Variants in CXCL13 observed in about 807,000 individuals in gnomAD.
CXCL13 encodes C-X-C motif chemokine ligand 13.
In CXCL13, 7 loss-of-function variants were observed where a neutral mutation model predicts 12.2. The observed-to-expected ratio is 0.57, with a 90% CI of 0.33 to 1.07. CXCL13 has a LOEUF of 1.07. Among genes scored for constraint, CXCL13 ranks in the 50% least tolerant of loss-of-function variants. The pLI, the probability that CXCL13 is intolerant of heterozygous loss-of-function variation, is 0.04. For missense variants in CXCL13, 113 were observed against 127.4 expected (o/e 0.89, Z 0.55); for synonymous variants, 47 against 42.4 (o/e 1.11, Z -0.42).
At chr4:77,544,244 T>A (rs1357840863) in intron 1 of CXCL13, among the ~76,000 whole-genome samples, 2 of 152,206 alleles carry the variant, frequency 1.3e-5, no homozygotes, top group African/African-American at 4.8e-5. Context: ...TGGTTTATAA[T>A]CCTTTGGGCA....
At chr4:77,568,293 C>T (rs143932754) in intron 1 of CXCL13, among the ~76,000 whole-genome samples, 28 of 152,286 alleles carry the variant, frequency 1.8e-4, no homozygotes, top group East Asian at 1.4e-3. Context: ...GAAGTGGCCA[C>T]GAGACTTCTA....
chr4:77,543,332 T>G (rs1361114864), intron 1 of CXCL13, among the ~76,000 whole-genome samples: 2 of 152,150 alleles, frequency 1.3e-5, no homozygotes, highest in African/African-American at 2.4e-5. Context: ...CATTGATTCT[T>G]TGTATGGATT....
chr4:77,569,293 G>T (rs7699374), intron 1 of CXCL13, among the ~76,000 whole-genome samples: 1 of 152,010 alleles, frequency 6.6e-6, no homozygotes, highest in Non-Finnish European at 1.5e-5. Context: ...AGAAATAAAG[G>T]GCATCCAAAT....
upstream of CXCL13, among the ~76,000 whole-genome samples, chr4:77,604,384 C>G (rs1726955701): frequency 6.6e-6 from 1 of 152,180 alleles, no homozygotes; most frequent in South Asian, 2.1e-4. Context: ...GAATAACCTT[C>G]TTTTACTCCA....
At chr4:77,556,193 A>G (rs1725652888) in intron 1 of CXCL13, among the ~76,000 whole-genome samples, 1 of 152,180 alleles carries the variant, frequency 6.6e-6, no homozygotes, top group African/African-American at 2.4e-5. Context: ...AAAACTAGAA[A>G]CAACCCAAAT....
At chr4:77,559,092 T>C (rs375471690) in intron 1 of CXCL13, among the ~76,000 whole-genome samples, 1 of 152,192 alleles carries the variant, frequency 6.6e-6, no homozygotes, top group South Asian at 2.1e-4. Context: ...TTTTAACAAC[T>C]AAACAACCAT....
intron 1 of CXCL13, among the ~76,000 whole-genome samples, chr4:77,566,634 GC>G (rs1725929831): frequency 6.6e-6 from 1 of 151,794 alleles, no homozygotes; most frequent in Admixed American, 6.6e-5. Context: ...TCAATTTGTA[GC>G]TTTTGTTTCT....
chr4:77,587,309 CA>C (rs1388239111), intron 1 of CXCL13, among the ~76,000 whole-genome samples: 1 of 152,194 alleles, frequency 6.6e-6, no homozygotes, highest in Non-Finnish European at 1.5e-5. Flanking sequence ...TGCATTCAGT[CA>C]GCAGAGGAGC....
chr4:77,586,966 A>AG (rs1726487582), intron 1 of CXCL13, among the ~76,000 whole-genome samples: 1 of 152,176 alleles, frequency 6.6e-6, no homozygotes, highest in South Asian at 2.1e-4. Flanking sequence ...GGGAAGTTCT[A>AG]GGGGGGACTC....
At chr4:77,516,926 T>C (rs1237817041) in intron 1 of CXCL13, among the ~76,000 whole-genome samples, 1 of 152,236 alleles carries the variant, frequency 6.6e-6, no homozygotes, top group African/African-American at 2.4e-5. Context: ...TCTTTCCTGC[T>C]TTCTCTTGTG....
At chr4:77,512,623 A>T (rs1034221074) in intron 1 of CXCL13, among the ~76,000 whole-genome samples, 9 of 152,106 alleles carry the variant, frequency 5.9e-5, no homozygotes, top group African/African-American at 1.7e-4. Context: ...ATTAGGGCCC[A>T]TCCTGATGAT....
chr4:77,528,790 C>T (rs1271771311), intron 1 of CXCL13, among the ~76,000 whole-genome samples: 1 of 152,158 alleles, frequency 6.6e-6, no homozygotes, highest in African/African-American at 2.4e-5. Context: ...TAATTAGATC[C>T]CATTTGTCAA....
intron 1 of CXCL13, among the ~76,000 whole-genome samples, chr4:77,595,513 C>A (rs185543176): frequency 1.3e-5 from 2 of 152,160 alleles, no homozygotes; most frequent in East Asian, 1.9e-4. Flanking sequence ...TTGAACCATG[C>A]GGGAAGATCA....
At chr4:77,570,131 G>A (rs913934659) in intron 1 of CXCL13, among the ~76,000 whole-genome samples, 2 of 152,142 alleles carry the variant, frequency 1.3e-5, no homozygotes, top group Middle Eastern at 3.2e-3. Flanking sequence ...AATTCAACAT[G>A]GATTAAAGAC....
intron 1 of CXCL13, among the ~76,000 whole-genome samples, chr4:77,575,273 T>C (rs1258437397): frequency 6.6e-6 from 1 of 151,952 alleles, no homozygotes; most frequent in South Asian, 2.1e-4. Context: ...TCTAATAACA[T>C]CAAGTGTTTT....
At chr4:77,574,785 C>G (rs1726167036) in intron 1 of CXCL13, among the ~76,000 whole-genome samples, 1 of 151,848 alleles carries the variant, frequency 6.6e-6, no homozygotes, top group Non-Finnish European at 1.5e-5. Context: ...ATGTCTATAA[C>G]AAGGAGCTCT....
At chr4:77,599,206 C>T (rs1726838266) in intron 1 of CXCL13, among the ~76,000 whole-genome samples, 1 of 152,142 alleles carries the variant, frequency 6.6e-6, no homozygotes, top group Non-Finnish European at 1.5e-5. Context: ...TGCCAATGAA[C>T]CTTCCTTGGT....
chr4:77,580,026 CTG>C (rs1414252135), intron 1 of CXCL13, among the ~76,000 whole-genome samples: 1 of 152,102 alleles, frequency 6.6e-6, no homozygotes, highest in Non-Finnish European at 1.5e-5. Context: ...TATAGCCAAA[CTG>C]TACAAACCAG....
At chr4:77,564,861 G>A (rs1053227471) in intron 1 of CXCL13, among the ~76,000 whole-genome samples, 2 of 152,230 alleles carry the variant, frequency 1.3e-5, no homozygotes, top group African/African-American at 4.8e-5. Flanking sequence ...TCCCTGTGGT[G>A]CAATCCTTTG....
Sources: allele counts gnomAD v4.1 joint callset (sites outside exome capture counted in the v4.1 genomes callset), GRCh38; gene constraint gnomAD v4.1.1; transcripts MANE v1.5; gene names NCBI Gene and HGNC (gene_info 2026-07-23, HGNC 2026-07-21).